Variants in VAMP7 observed in about 807,000 individuals in gnomAD.
VAMP7 encodes the protein vesicle-associated membrane protein 7.
In VAMP7, 14 loss-of-function variants were observed where a neutral mutation model predicts 29.6. The observed-to-expected ratio is 0.47, with a 90% CI of 0.31 to 0.74. The LOEUF (loss-of-function observed/expected upper bound fraction) is 0.74, where lower values mean the gene tolerates loss of function less well. VAMP7 is among the 30% of genes least tolerant of loss of function. The pLI, the probability that VAMP7 is intolerant of heterozygous loss-of-function variation, is 0.05. For synonymous variants in VAMP7, 95 were observed against 88.1 expected (o/e 1.08, Z -0.44); for missense variants, 223 against 262.4 (o/e 0.85, Z 1.04).
At chrX:155,897,826 G>T (rs1262428504) in intron 3 of VAMP7, among the ~76,000 whole-genome samples, 12 of 152,084 alleles carry the variant, frequency 7.9e-5, no homozygotes, top group Non-Finnish European at 1.8e-4. Flanking sequence ...TTCAATTCCT[G>T]ATGTCAAGAA....
chrX:155,933,821 C>G (rs1024098281), intron 6 of VAMP7, among the ~76,000 whole-genome samples: 4 of 152,008 alleles, frequency 2.6e-5, no homozygotes, highest in Non-Finnish European at 4.4e-5. Context: ...TTTCCTGCTT[C>G]CTTTTGTGGG....
chrX:155,918,855 C>G (rs2066352142), intron 5 of VAMP7, among the ~76,000 whole-genome samples: 1 of 152,142 alleles, frequency 6.6e-6, no homozygotes, highest in Admixed American at 6.5e-5. Flanking sequence ...CTTTTATTCT[C>G]TATTCTATTG....
At chrX:155,940,276 G>T (rs771298460) in intron 7 of VAMP7, among the ~76,000 whole-genome samples, 2 of 152,184 alleles carry the variant, frequency 1.3e-5, no homozygotes, top group East Asian at 3.9e-4. Flanking sequence ...GCTTTACCCT[G>T]TTCATGGTCA....
intron 5 of VAMP7, 71 bp from the exon 6 acceptor site, chrX:155,919,741 AC>A: frequency 7.5e-7 from 1 of 1,338,940 alleles, no homozygotes; most frequent in Non-Finnish European, 1.1e-6. Context: ...AAGTTATATT[AC>A]TTTTTTAAAA....
chrX:155,903,607 G>T (rs1453863900), intron 5 of VAMP7, among the ~76,000 whole-genome samples: 1 of 152,074 alleles, frequency 6.6e-6, no homozygotes, highest in East Asian at 1.9e-4. Flanking sequence ...ATGAAAAAAT[G>T]CTCACCATCA....
chrX:155,937,978 T>A (rs2066687261), intron 6 of VAMP7, among the ~76,000 whole-genome samples: 1 of 152,202 alleles, frequency 6.6e-6, no homozygotes, highest in Admixed American at 6.5e-5. Context: ...TTTTGCTCAT[T>A]TATGTTCTGC....
intron 3 of VAMP7, 25 bp downstream of exon 3, chrX:155,895,705 T>C: frequency 6.3e-7 from 1 of 1,593,638 alleles, no homozygotes. Context: ...GACATATTGC[T>C]ATTTAACTAT....
At chrX:155,930,437 G>T (rs2066531383) in intron 6 of VAMP7, among the ~76,000 whole-genome samples, 1 of 151,076 alleles carries the variant, frequency 6.6e-6, no homozygotes, top group South Asian at 2.1e-4. Flanking sequence ...AAATCCAGAA[G>T]TTCAAGACCA....
chrX:155,941,727 C>T (rs753513790), intron 7 of VAMP7, among the ~76,000 whole-genome samples, 156 bp from the exon 8 acceptor site: 1 of 152,056 alleles, frequency 6.6e-6, no homozygotes, highest in Admixed American at 6.6e-5. Flanking sequence ...ACACTTCTGT[C>T]TTGGAAAATA....
intron 6 of VAMP7, among the ~76,000 whole-genome samples, chrX:155,934,677 A>T: frequency 6.6e-6 from 1 of 152,166 alleles, no homozygotes; most frequent in African/African-American, 2.4e-5. Context: ...GTGTCTTTTA[A>T]TTGGAGCATT....
chrX:155,908,048 G>A (rs750322130), intron 5 of VAMP7, among the ~76,000 whole-genome samples: 8 of 151,590 alleles, frequency 5.3e-5, no homozygotes, highest in African/African-American at 1.5e-4. Context: ...GATGGCGGCC[G>A]GGCAGAGACG....
intron 5 of VAMP7, among the ~76,000 whole-genome samples, chrX:155,918,428 C>T (rs1368059344): frequency 6.6e-6 from 1 of 152,140 alleles, no homozygotes; most frequent in African/African-American, 2.4e-5. Flanking sequence ...AACCCAGGTC[C>T]CTGGTGGCAT....
At chrX:155,924,286 A>G (rs959056988) in intron 6 of VAMP7, among the ~76,000 whole-genome samples, 4 of 152,158 alleles carry the variant, frequency 2.6e-5, no homozygotes, top group African/African-American at 7.2e-5. Flanking sequence ...TTGTGGTAAA[A>G]TATGTATAGC....
intron 2 of VAMP7, among the ~76,000 whole-genome samples, chrX:155,895,384 A>G (rs1346813285): frequency 6.6e-6 from 1 of 152,172 alleles, no homozygotes; most frequent in African/African-American, 2.4e-5. Context: ...TCTAATGGGT[A>G]ATACACATGC....
chrX:155,887,752 A>C (rs2065881271), intron 1 of VAMP7, among the ~76,000 whole-genome samples: 1 of 151,590 alleles, frequency 6.6e-6, no homozygotes, highest in South Asian at 2.1e-4. Context: ...GACATGGTGA[A>C]ACCCTGTCTG....
Position 155,900,518 on chromosome X carries a change from G to A in VAMP7, c.364G>A (p.Gly122Ser), listed in dbSNP as rs189743661. The change falls in exon 5 of 8, where the codon GGC becomes AGC. Residue 122 changes from glycine (G) to serine (S), a missense_variant. Coordinates refer to ENST00000286448, the MANE Select transcript of VAMP7 (RefSeq NM_005638.6). The part of the protein sequence containing the change: ...AQLKHHSENK[G>S]LDKVMETQAQ... Reference sequence around the variant, plus strand: ...ATAGAAGCATCACTCTGAGAATAAGGGCCTAGACAAAGTGATGGAGACTCA... The same window carrying A: ...ATAGAAGCATCACTCTGAGAATAAGAGCCTAGACAAAGTGATGGAGACTCA... The A allele has an allele frequency of 4.4e-5, 71 of 1,610,276 alleles. No individual in the cohort carries two copies. In the Admixed American group the frequency reaches 1.2e-3, roughly 26 times the overall value.
intron 5 of VAMP7, among the ~76,000 whole-genome samples, chrX:155,909,910 G>A (rs1454981089): frequency 6.6e-6 from 1 of 152,094 alleles, no homozygotes. Flanking sequence ...TATATGGGGT[G>A]TCCATCAGCT....
intron 5 of VAMP7, among the ~76,000 whole-genome samples, chrX:155,907,957 G>A (rs774871523): frequency 7.5e-4 from 114 of 152,012 alleles, no homozygotes; most frequent in African/African-American, 2.3e-3. Flanking sequence ...CATCTCAGAC[G>A]ATGGGCGGCC....
At chrX:155,941,776 T>G in intron 7 of VAMP7, 107 bp from the exon 8 acceptor site, 2 of 1,271,936 alleles carry the variant, frequency 1.6e-6, no homozygotes, top group East Asian at 5.1e-5. Flanking sequence ...ACTGCTACTC[T>G]AATGGAATCA....
Sources: allele counts gnomAD v4.1 joint callset (sites outside exome capture counted in the v4.1 genomes callset), GRCh38; gene constraint gnomAD v4.1.1; transcripts MANE v1.5; gene names NCBI Gene and HGNC (gene_info 2026-07-23, HGNC 2026-07-21).